Variants in PABPC4L observed in about 807,000 individuals in gnomAD.
PABPC4L encodes poly(A) binding protein cytoplasmic 4 like, also known as polyadenylate-binding protein 4-like.
For synonymous variants in PABPC4L, 169 were observed against 164.1 expected (o/e 1.03, Z -0.23); for missense variants, 452 against 451.4 (o/e 1.00, Z -0.01).
chr4:133,978,299 A>G, the PABPC4L span, among the ~76,000 whole-genome samples: 3 of 152,148 alleles, frequency 2.0e-5, no homozygotes, highest in Admixed American at 2.0e-4. Context: ...GGGTAGTAGA[A>G]AAGAGAGATA....
the PABPC4L span, among the ~76,000 whole-genome samples, chr4:133,981,766 C>A: frequency 6.6e-6 from 1 of 151,836 alleles, no homozygotes; most frequent in African/African-American, 2.4e-5. Context: ...TAATGTATAT[C>A]TTTTAAATTG....
At chr4:134,101,720 A>G in the PABPC4L span, among the ~76,000 whole-genome samples, 2 of 151,546 alleles carry the variant, frequency 1.3e-5, no homozygotes, top group Non-Finnish European at 3.0e-5. Context: ...TCATTTGAGT[A>G]TTTAGATTGA....
chr4:134,030,973 T>C, the PABPC4L span, among the ~76,000 whole-genome samples: 215 of 152,176 alleles, frequency 1.4e-3, no homozygotes, highest in African/African-American at 4.9e-3. Context: ...TGAGTATCTC[T>C]GAAAGGTTAA....
the PABPC4L span, among the ~76,000 whole-genome samples, chr4:134,026,437 C>T: frequency 2.0e-5 from 3 of 152,076 alleles, no homozygotes; most frequent in South Asian, 6.2e-4. Context: ...TGGGGTTTCA[C>T]CATATTGGCC....
At chr4:134,121,280 A>G in the PABPC4L span, among the ~76,000 whole-genome samples, 3 of 151,376 alleles carry the variant, frequency 2.0e-5, no homozygotes, top group Non-Finnish European at 3.0e-5. Flanking sequence ...GGGTCTGTTT[A>G]TATTATCTTT....
At chr4:134,014,659 G>A in the PABPC4L span, among the ~76,000 whole-genome samples, 3 of 151,916 alleles carry the variant, frequency 2.0e-5, no homozygotes, top group Non-Finnish European at 4.4e-5. Context: ...GACACTGCCC[G>A]ATCGCCTCAG....
the PABPC4L span, among the ~76,000 whole-genome samples, chr4:134,003,996 T>C: frequency 1.1e-4 from 16 of 151,800 alleles, no homozygotes; most frequent in African/African-American, 3.9e-4. Flanking sequence ...CAACTCAAAA[T>C]GGATTAAAGA....
At chr4:134,141,935 CT>C in the PABPC4L span, among the ~76,000 whole-genome samples, 1 of 151,718 alleles carries the variant, frequency 6.6e-6, no homozygotes, top group African/African-American at 2.4e-5. Context: ...TCACTTCTTT[CT>C]TTGAAAAATA....
chr4:133,963,311 C>T, the PABPC4L span, among the ~76,000 whole-genome samples: 1 of 152,102 alleles, frequency 6.6e-6, no homozygotes, highest in Non-Finnish European at 1.5e-5. Flanking sequence ...AACATATATG[C>T]ACCTAACACT....
chr4:134,097,893 T>G, the PABPC4L span, among the ~76,000 whole-genome samples: 1 of 151,900 alleles, frequency 6.6e-6, no homozygotes, highest in Non-Finnish European at 1.5e-5. Context: ...GAAACTTGTT[T>G]GGACTTACTC....
chr4:134,025,316 A>AG, the PABPC4L span, among the ~76,000 whole-genome samples: 2 of 150,612 alleles, frequency 1.3e-5, no homozygotes, highest in Non-Finnish European at 3.0e-5. Flanking sequence ...AAAAAAAAAA[A>AG]AAAAAAAAAA....
the PABPC4L span, among the ~76,000 whole-genome samples, chr4:134,188,421 T>A: frequency 6.6e-6 from 1 of 152,274 alleles, no homozygotes; most frequent in East Asian, 1.9e-4. Context: ...TATGTAGATG[T>A]TAATTATTGA....
At chr4:133,995,114 C>G in the PABPC4L span, among the ~76,000 whole-genome samples, 35 of 152,284 alleles carry the variant, frequency 2.3e-4, no homozygotes, top group African/African-American at 7.7e-4. Flanking sequence ...GGGGCCAGCC[C>G]CTCATGAAGT....
At chr4:133,961,544 G>A in the PABPC4L span, among the ~76,000 whole-genome samples, 5 of 152,132 alleles carry the variant, frequency 3.3e-5, no homozygotes, top group South Asian at 4.1e-4. Context: ...GAGAGCACAG[G>A]GGGAGGGACA....
At chr4:134,058,490 A>T in the PABPC4L span, among the ~76,000 whole-genome samples, 4 of 152,020 alleles carry the variant, frequency 2.6e-5, no homozygotes, top group East Asian at 3.9e-4. Flanking sequence ...GGAATCAGAC[A>T]CACATGCACA....
the PABPC4L span, among the ~76,000 whole-genome samples, chr4:134,101,043 C>T: frequency 6.6e-6 from 1 of 151,376 alleles, no homozygotes; most frequent in Admixed American, 6.6e-5. Context: ...TTAATAGCAT[C>T]TGACATATTG....
At chr4:134,107,586 T>A in the PABPC4L span, among the ~76,000 whole-genome samples, 2 of 151,610 alleles carry the variant, frequency 1.3e-5, no homozygotes, top group Non-Finnish European at 3.0e-5. Flanking sequence ...ATTTGCCAAG[T>A]ATTTTTATAC....
the PABPC4L span, among the ~76,000 whole-genome samples, chr4:134,079,904 T>C: frequency 1.3e-5 from 2 of 152,004 alleles, no homozygotes; most frequent in African/African-American, 4.8e-5. Flanking sequence ...GAAAACTATA[T>C]AGTTTAAAAA....
At chr4:134,097,611 CACA>C in the PABPC4L span, among the ~76,000 whole-genome samples, 13 of 151,776 alleles carry the variant, frequency 8.6e-5, no homozygotes, top group Non-Finnish European at 1.8e-4. Flanking sequence ...TGGAATAGGT[CACA>C]ACAACATTTT....
Sources: gnomAD v4.1 joint callset for allele counts (sites outside exome capture counted in the v4.1 genomes callset) on GRCh38, gnomAD v4.1.1 for gene constraint, MANE v1.5 for transcripts, NCBI Gene and HGNC (gene_info 2026-07-23, HGNC 2026-07-21) for gene names.